The following MPV17L2 variants were observed in gnomAD, a reference collection of about 807,000 sequenced individuals.
MPV17L2 encodes mpv17-like protein 2.
MPV17L2 carries 25 observed loss-of-function variants against 24.2 expected under a neutral mutation model. The observed-to-expected ratio is 1.03, with a 90% CI of 0.75 to 1.44. The LOEUF is 1.44. Among genes scored for constraint, MPV17L2 ranks in the 40% most tolerant of loss-of-function variants. MPV17L2 has a pLI of 0.00. For synonymous variants in MPV17L2, 130 were observed against 121.4 expected, an observed-to-expected ratio of 1.07 and a Z score of -0.46; for missense variants, 271 against 276.2, an observed-to-expected ratio of 0.98 and a Z score of 0.13.
chr19:18,195,958 G>T, intron 4 of MPV17L2, 41 bp from the exon 5 acceptor site: 1 of 1,565,206 alleles, frequency 6.4e-7, no homozygotes, highest in Non-Finnish European at 8.7e-7. Context: ...AGGGAGGGAT[G>T]AGCCAGGCTT....
Position 18,196,703 on chromosome 19 carries a change from G to GTCTC in MPV17L2, c.*650_*653dup, listed in dbSNP as rs2069173456. On this transcript the variant is annotated 3_prime_UTR_variant, in exon 5 of 5. Coordinates refer to ENST00000599612, the MANE Select transcript of MPV17L2 (RefSeq NM_032683.3). ...AGCCTGGGCAACATAGCAAGACCCT[G>GTCTC]TCTCTATTTATATTGAAAAATAAAA... The GTCTC allele has an allele frequency of 3.0e-6, 1 of 329,908 alleles. No individual in the cohort carries two copies. Among genetic ancestry groups the GTCTC allele is most frequent in the African/African-American group, 2.2e-5 (1 of 46,454 alleles). 20.4% of individuals were successfully genotyped at this position (329,908 alleles called of 1,614,324 possible).
Position 18,196,298 on chromosome 19 carries a change from C to A in MPV17L2, c.*243C>A. The A allele has an allele frequency of 6.8e-7, 1 of 1,470,276 alleles. No individual in the cohort carries two copies. Among genetic ancestry groups the A allele is most frequent in the South Asian group, 1.2e-5 (1 of 82,546 alleles). 91.1% of individuals were successfully genotyped at this position (1,470,276 alleles called of 1,614,324 possible). ...AGCCCTTCTCAGCAGGAACCTCATG[C>A]GACCTGTGACCAAGATGTCCCATCC... On this transcript the variant is annotated 3_prime_UTR_variant, in exon 5 of 5. Transcript: ENST00000599612.
At position 18,193,395 on chromosome 19, in the gene MPV17L2, G is replaced by T. The variant is rs769370080; in HGVS notation, c.114G>T (p.Ala38=). 6.4e-7 allele frequency: 1 copy of T among 1,567,364 alleles called. No individual in the cohort carries two copies. Among genetic ancestry groups the T allele is most frequent in the Non-Finnish European group, 8.6e-7 (1 of 1,164,220 alleles). The change falls in exon 1 of 5, where the codon GCG becomes GCT. Residue 38 remains alanine, a synonymous_variant. Coordinates refer to ENST00000599612, the MANE Select transcript of MPV17L2 (RefSeq NM_032683.3). ...CGCTGGGCTGCGGCGCGCTCATGGC[G>T]GCCGGTGATGGCGTGCGCCAGTCCT... is the stretch of plus-strand genomic sequence containing the variant. ...TNTLGCGALM[A]AGDGVRQSWE...
chr19:18,196,510 C>T lies in MPV17L2; in HGVS notation c.*455C>T, dbSNP rs959358244. ...GGCCCCCAAAAGTTTCACATAGGGC[C>T]AGGCAGCCTCTGTGTTTCTTTCCCT... On this transcript the variant is annotated 3_prime_UTR_variant, in exon 5 of 5. Transcript: ENST00000599612. The T allele has an allele frequency of 4.6e-6, 5 of 1,088,498 alleles. No individual in the cohort carries two copies. Among genetic ancestry groups the T allele is most frequent in the Non-Finnish European group, 6.1e-6 (5 of 818,502 alleles). The allele number at this position is 1,088,498 out of a possible 1,614,324, so 67.4% of individuals were successfully genotyped here.
Position 18,196,377 on chromosome 19 carries a change from G to A in MPV17L2, c.*322G>A. ...TCTCAAGCACCAGCCCCTCAACACT[G>A]CCATCCACCTGGCTCTGGGCCAAGC... On this transcript the variant is annotated 3_prime_UTR_variant, in exon 5 of 5. Coordinates refer to ENST00000599612, the MANE Select transcript of MPV17L2 (RefSeq NM_032683.3). 1 of 1,337,866 alleles carries A rather than the reference G, an allele frequency of 7.5e-7. No individual in the cohort carries two copies. The highest frequency in any genetic ancestry group is 9.8e-7 in the Non-Finnish European group (1 of 1,020,170). 82.9% of individuals were successfully genotyped at this position (1,337,866 alleles called of 1,614,324 possible). A position where few individuals can be genotyped will look rare whatever the true frequency, so the allele number is the denominator to read the frequency against.
At position 18,193,485 on chromosome 19, in the gene MPV17L2, G is replaced by T; in HGVS notation, c.187+17G>T. 1 of 1,484,710 alleles carries T rather than the reference G, an allele frequency of 6.7e-7. No individual in the cohort carries two copies. Among genetic ancestry groups the T allele is most frequent in the East Asian group, 2.5e-5 (1 of 39,940 alleles). 92.0% of individuals were successfully genotyped at this position (1,484,710 alleles called of 1,614,324 possible). A position where few individuals can be genotyped will look rare whatever the true frequency, so the allele number is the denominator to read the frequency against. On this transcript the variant is annotated intron_variant, in intron 1 of 4. Transcript: ENST00000599612. ...GGCGCTCCGGTGAGGACGCCACGCTGCTTAGTCCTTCACCCCGGGCGACCT... is the reference window on the plus strand; with the variant it reads ...GGCGCTCCGGTGAGGACGCCACGCTTCTTAGTCCTTCACCCCGGGCGACCT...
At chr19:18,194,689 A>G (rs1600020666) in intron 2 of MPV17L2, 88 bp from the exon 3 acceptor site, 1 of 1,284,798 alleles carries the variant, frequency 7.8e-7, no homozygotes, top group Non-Finnish European at 1.1e-6. Context: ...CAGGGGCCCA[A>G]CCCCGCCCCC....
rs1168626420 is a variant in MPV17L2, at chr19:18,196,905, C to CGGGGGGGGGGGG, written c.*853_*864dup. ...ATGAGGTCAGAACAGGTCTGGTGGG[C>CGGGGGGGGGGGG]GGGGGGGGGGGGGGTCCCAGGGTGG... On this transcript the variant is annotated 3_prime_UTR_variant, in exon 5 of 5. Coordinates refer to ENST00000599612, the MANE Select transcript of MPV17L2 (RefSeq NM_032683.3). 5.1e-5 allele frequency: 1 copy of CGGGGGGGGGGGG among 19,446 alleles called. No individual in the cohort carries two copies. Among genetic ancestry groups the CGGGGGGGGGGGG allele is most frequent in the Non-Finnish European group, 8.9e-5 (1 of 11,220 alleles). The allele number at this position is 19,446 out of a possible 1,614,324, so 1.2% of individuals were successfully genotyped here. A position where few individuals can be genotyped will look rare whatever the true frequency, so the allele number is the denominator to read the frequency against.
intron 2 of MPV17L2, 24 bp from the exon 3 acceptor site, chr19:18,194,753 C>CT: frequency 6.3e-7 from 1 of 1,589,476 alleles, no homozygotes; most frequent in South Asian, 1.1e-5. Context: ...CTCTAACACT[C>CT]TCATTTCTTG....
rs1457528133 is a variant in MPV17L2, at chr19:18,196,142, T to C, written c.*87T>C. The C allele has an allele frequency of 3.1e-6, 5 of 1,604,306 alleles. No homozygotes were observed. Among genetic ancestry groups the C allele is most frequent in the Non-Finnish European group, 4.2e-6 (5 of 1,176,986 alleles). ...AGGGGAATGGGCTCCTGCAGCAAGC[T>C]CGGGTCTTGAGCCACGTCCCAGCAC... is the stretch of plus-strand genomic sequence containing the variant. On this transcript the variant is annotated 3_prime_UTR_variant, in exon 5 of 5. Coordinates refer to ENST00000599612, the MANE Select transcript of MPV17L2 (RefSeq NM_032683.3).
In MPV17L2 at chr19:18,193,472, A is replaced by T; in HGVS notation, c.187+4A>T. Reference sequence around the variant, plus strand: ...GTTTTCGACCCACGGCGCTCCGGTGAGGACGCCACGCTGCTTAGTCCTTCA... The same window carrying T: ...GTTTTCGACCCACGGCGCTCCGGTGTGGACGCCACGCTGCTTAGTCCTTCA... On this transcript the variant is annotated splice_donor_region_variant and intron_variant, in intron 1 of 4. Coordinates refer to ENST00000599612, the MANE Select transcript of MPV17L2 (RefSeq NM_032683.3). The T allele has an allele frequency of 6.6e-7, 1 of 1,511,206 alleles. No individual in the cohort carries two copies. The highest frequency in any genetic ancestry group is 8.8e-7 in the Non-Finnish European group (1 of 1,140,336). 93.6% of individuals were successfully genotyped at this position (1,511,206 alleles called of 1,614,324 possible).
At position 18,195,198 on chromosome 19, in the gene MPV17L2, C is replaced by T. The variant is rs1465262064; in HGVS notation, c.564+112C>T. The T allele has an allele frequency of 1.5e-5, 22 of 1,486,594 alleles. No individual in the cohort carries two copies. The East Asian group carries it at 3.4e-4, about 23-fold the overall frequency. The allele number at this position is 1,486,594 out of a possible 1,614,324, so 92.1% of individuals were successfully genotyped here. On this transcript the variant is annotated intron_variant, in intron 4 of 4. Coordinates refer to ENST00000599612, the MANE Select transcript of MPV17L2 (RefSeq NM_032683.3). The stretch of plus-strand genomic sequence containing the variant: ...CTGGAGGGTGGGAGTCTCCTGTGCT[C>T]CTGACAACCCACACCCAACAGTGGG...
rs776519903 is a variant in MPV17L2 at position 18,193,381 on chromosome 19, G to A, written c.100G>A (p.Gly34Ser). ...GCTCGTCACTAACACGCTGGGCTGCGGCGCGCTCATGGCGGCCGGTGATGG... is the reference window on the plus strand; with the variant it reads ...GCTCGTCACTAACACGCTGGGCTGCAGCGCGCTCATGGCGGCCGGTGATGG... ...ALLVTNTLGC[G>S]ALMAAGDGVR... The change falls in exon 1 of 5, where the codon GGC becomes AGC. Residue 34 changes from glycine to serine, a missense_variant. Gly to Ser is a moderately conservative substitution (Grantham distance 56, BLOSUM62 0). Coordinates refer to ENST00000599612, the MANE Select transcript of MPV17L2 (RefSeq NM_032683.3). 1 of 1,568,462 alleles carries A rather than the reference G, an allele frequency of 6.4e-7. No individual in the cohort carries two copies. The highest frequency in any genetic ancestry group is 1.2e-5 in the South Asian group (1 of 86,248).
At chr19:18,194,936 C>A in intron 3 of MPV17L2, 22 bp from the exon 4 acceptor site, 1 of 1,607,990 alleles carries the variant, frequency 6.2e-7, no homozygotes, top group Non-Finnish European at 8.5e-7. Flanking sequence ...CCCCGCCCCT[C>A]ATCCCCCGCC....
chr19:18,194,665 G>A (rs1967478458), intron 2 of MPV17L2, 112 bp from the exon 3 acceptor site: 10 of 882,616 alleles, frequency 1.1e-5, no homozygotes, highest in Middle Eastern at 3.4e-4. Context: ...CCCGGGGTGG[G>A]CGGCGTGGGC....
rs764294555 is a variant in MPV17L2 at position 18,193,934 on chromosome 19, A to G, written c.258A>G (p.Leu86=). 9.9e-6 allele frequency: 16 copies of G among 1,614,176 alleles called. No individual in the cohort carries two copies. In the South Asian group the frequency reaches 1.3e-4, roughly 13 times the overall value. ...LHYWYLSLDR[L]FPASGLRGFP... ...ACTGGTACTTGTCGCTGGACCGCCTATTCCCTGCGTCTGGCCTCCGAGGCT... is the reference window on the plus strand; with the variant it reads ...ACTGGTACTTGTCGCTGGACCGCCTGTTCCCTGCGTCTGGCCTCCGAGGCT... The change falls in exon 2 of 5, where the codon CTA becomes CTG. Residue 86 remains leucine, a synonymous_variant. Coordinates refer to ENST00000599612, the MANE Select transcript of MPV17L2 (RefSeq NM_032683.3).
rs533417217 is a variant in MPV17L2, at chr19:18,194,951, C to T, written c.436-7C>T. The T allele has an allele frequency of 6.2e-7, 1 of 1,611,840 alleles. No homozygotes were observed. The highest frequency in any genetic ancestry group is 1.3e-5 in the African/African-American group (1 of 74,996). On this transcript the variant is annotated splice_region_variant and splice_polypyrimidine_tract_variant and intron_variant, in intron 3 of 4. Transcript: ENST00000599612. Reference sequence around the variant, plus strand: ...CCCCGCCCCTCATCCCCCGCCTCTCCCCGCAGGCAGACTGGTGCGTGTGGC... The same window carrying T: ...CCCCGCCCCTCATCCCCCGCCTCTCTCCGCAGGCAGACTGGTGCGTGTGGC...
Position 18,194,865 on chromosome 19 carries a change from C to CGCCCCTTGCACATGTCCG in MPV17L2, c.435+18_435+35dup. The CGCCCCTTGCACATGTCCG allele has an allele frequency of 6.2e-7, 1 of 1,603,018 alleles. No homozygotes were observed. The highest frequency in any genetic ancestry group is 8.5e-7 in the Non-Finnish European group (1 of 1,175,598). The stretch of plus-strand genomic sequence containing the variant: ...GGGAATTCTACAAGGTGGGAGCACC[C>CGCCCCTTGCACATGTCCG]GCCCCTTGCACATGTCCGGCCCCGC... On this transcript the variant is annotated intron_variant, in intron 3 of 4. Coordinates refer to ENST00000599612, the MANE Select transcript of MPV17L2 (RefSeq NM_032683.3).
rs1443431941 is a variant in MPV17L2, at chr19:18,193,338, A to AT, written c.59dup (p.Gln21ProfsTer9). On this transcript the variant is annotated frameshift_variant, in exon 1 of 5. Coordinates refer to ENST00000599612, the MANE Select transcript of MPV17L2 (RefSeq NM_032683.3). LOFTEE classifies it high-confidence loss of function. ...GCCTGTTATCCGCGGGGCAGCTTCT[A>AT]TTCCAGGGCCGCGCGCTGCTCGTCA... 6.4e-7 allele frequency: 1 copy of AT among 1,563,836 alleles called. No homozygotes were observed. Among genetic ancestry groups the AT allele is most frequent in the African/African-American group, 1.4e-5 (1 of 72,034 alleles).
Sources: gnomAD v4.1 joint callset for allele counts on GRCh38, gnomAD v4.1.1 for gene constraint, MANE v1.5 for transcripts, NCBI Gene and HGNC (gene_info 2026-07-23, HGNC 2026-07-21) for gene names.